The following CDYL2 variants were observed in gnomAD, a reference collection of about 807,000 sequenced individuals.
CDYL2 encodes chromodomain Y-like protein 2.
CDYL2 carries 23 observed loss-of-function variants against 49.4 expected under a neutral mutation model. The ratio of observed to expected loss-of-function variants is 0.47; its 90% CI spans 0.34 to 0.66. The LOEUF (loss-of-function observed/expected upper bound fraction) is 0.66, where lower values mean the gene tolerates loss of function less well. Among genes scored for constraint, CDYL2 ranks in the 30% least tolerant of loss-of-function variants. CDYL2 has a pLI of 0.01. For missense variants in CDYL2, 678 were observed against 656.4 expected (o/e 1.03, Z -0.36); for synonymous variants, 360 against 268.8 (o/e 1.34, Z -3.32).
Position 80,708,030 on chromosome 16 carries a change from GGGTGGGGC to G in CDYL2, c.25-22909_25-22902del, listed in dbSNP as rs576941753. Among the ~76,000 whole-genome samples, 15 of 152,280 alleles carry G rather than the reference GGGTGGGGC, an allele frequency of 9.9e-5. 1 individual carries two copies. The South Asian group carries it at 3.1e-3, about 32-fold the overall frequency. ...AGGCTCAGAGGATCACACTCTTTAGGGGTGGGGCAAAGATGATGCCCTTTCCCCCTTCA... is the reference window on the plus strand; with the variant it reads ...AGGCTCAGAGGATCACACTCTTTAGGAAAGATGATGCCCTTTCCCCCTTCA... On this transcript the variant is annotated intron_variant, in intron 1 of 6. Coordinates refer to ENST00000570137, the MANE Select transcript of CDYL2 (RefSeq NM_152342.4).
chr16:80,693,006 A>C (rs968445476), intron 1 of CDYL2, among the ~76,000 whole-genome samples: 5 of 152,158 alleles, frequency 3.3e-5, no homozygotes, highest in African/African-American at 1.2e-4. Context: ...AATGACACAC[A>C]CAACAATTTG....
intron 4 of CDYL2, among the ~76,000 whole-genome samples, chr16:80,614,365 G>A (rs1437477688): frequency 6.6e-6 from 1 of 152,162 alleles, no homozygotes; most frequent in Non-Finnish European, 1.5e-5. Context: ...CTCCCACCAT[G>A]GCGTCCTCCA....
At chr16:80,762,681 T>C (rs1906573229) in intron 1 of CDYL2, among the ~76,000 whole-genome samples, 3 of 152,320 alleles carry the variant, frequency 2.0e-5, no homozygotes, top group Middle Eastern at 3.4e-3. Flanking sequence ...TTGGAGCTTG[T>C]CCAGTCTTTT....
rs182223559 is a variant in CDYL2 at position 80,765,284 on chromosome 16, C to T, written c.24+38866G>A. Among the ~76,000 whole-genome samples the T allele has an allele frequency of 1.7e-3, 259 of 151,288 alleles. 1 individual carries two copies. The highest frequency in any genetic ancestry group is 5.5e-3 in the African/African-American group (229 of 41,306). ...TGTCCATATCCCATAATGAAACAAA[C>T]ATTTATTCAATCTCTGGATGACAGA... On this transcript the variant is annotated intron_variant, in intron 1 of 6. Transcript: ENST00000570137.
At chr16:80,729,302 T>C (rs1423202735) in intron 1 of CDYL2, among the ~76,000 whole-genome samples, 3 of 151,812 alleles carry the variant, frequency 2.0e-5, no homozygotes, top group South Asian at 2.1e-4. Context: ...GTTGCAATCC[T>C]AGTCTCTGAT....
intron 4 of CDYL2, among the ~76,000 whole-genome samples, chr16:80,619,981 C>T (rs1185395097): frequency 6.6e-6 from 1 of 152,152 alleles, no homozygotes; most frequent in South Asian, 2.1e-4. Context: ...CTCCGTGACA[C>T]CATGTGGAGT....
chr16:80,627,278 C>A (rs970777871), intron 3 of CDYL2, among the ~76,000 whole-genome samples: 13 of 151,972 alleles, frequency 8.6e-5, no homozygotes, highest in African/African-American at 2.7e-4. Flanking sequence ...AACTCTATTT[C>A]TCTGAGAGGC....
At chr16:80,785,333 G>A (rs899132714) in intron 1 of CDYL2, among the ~76,000 whole-genome samples, 6 of 152,074 alleles carry the variant, frequency 3.9e-5, no homozygotes, top group Admixed American at 3.3e-4. Context: ...GACAAACAGA[G>A]AGCCAAATCA....
In CDYL2 at chr16:80,612,685, G is replaced by A. The variant is rs536459738; in HGVS notation, c.1159C>T (p.Arg387Cys). Residue 387 changes from arginine to cysteine, a missense_variant, in exon 5 of 7, where the codon CGC becomes TGC. Transcript: ENST00000570137. The surrounding 1 kb of genome is among the most constrained non-coding windows in gnomAD (Gnocchi z 5.0). ...GAGGAGCAGCCAGCAGGCGTGAGGC[G>A]GATGGTGGCGTAGGGCGTCTGGAAC... ...AWFQTPYATI[R>C]LTPAGCSSYT... 25 of 1,613,136 alleles carry A rather than the reference G, an allele frequency of 1.5e-5. No homozygotes were observed. Among genetic ancestry groups the A allele is most frequent in the Admixed American group, 1.5e-4 (9 of 59,984 alleles).
In CDYL2 at chr16:80,672,535, AAAAGGAAAGGAAAGGAAAGG is replaced by A. The variant is rs58509953; in HGVS notation, c.616+11983_616+12002del. Among the ~76,000 whole-genome samples the A allele has an allele frequency of 6.1e-3, 284 of 46,316 alleles. 4 individuals are homozygous for A. The highest frequency in any genetic ancestry group is 0.019 in the South Asian group (23 of 1,182). 30.4% of individuals were successfully genotyped at this position (46,316 alleles called of 152,430 possible). On this transcript the variant is annotated intron_variant, in intron 2 of 6. Transcript: ENST00000570137. ...GAAAGAAGCAAAGCAAAGGAAAAGG[AAAAGGAAAGGAAAGGAAAGG>A]AAAGGAAAGGAAAGGAAAGGAAAGG...
intron 6 of CDYL2, 95 bp from the exon 7 acceptor site, chr16:80,604,641 A>C (rs1906251973): frequency 1.1e-5 from 15 of 1,326,960 alleles, no homozygotes; most frequent in Non-Finnish European, 1.5e-5. Context: ...AACCTCCCAT[A>C]CTCACAGCCA....
At chr16:80,759,143 T>TA (rs1906438063) in intron 1 of CDYL2, among the ~76,000 whole-genome samples, 1 of 90,266 alleles carries the variant, frequency 1.1e-5, no homozygotes, top group African/African-American at 5.3e-5. Flanking sequence ...TATATATGGT[T>TA]TATATAAATA....
chr16:80,768,089 C>T (rs985911014), intron 1 of CDYL2, among the ~76,000 whole-genome samples: 1 of 152,170 alleles, frequency 6.6e-6, no homozygotes, highest in Admixed American at 6.5e-5. Context: ...AGCCCATTCC[C>T]CCACTGCCAC....
intron 1 of CDYL2, among the ~76,000 whole-genome samples, chr16:80,708,808 G>C (rs975707967): frequency 6.6e-6 from 1 of 152,078 alleles, no homozygotes; most frequent in Non-Finnish European, 1.5e-5. Context: ...AGTTCAGGTT[G>C]TTCTCAGTTC....
intron 1 of CDYL2, among the ~76,000 whole-genome samples, chr16:80,701,284 C>T (rs1436799997): frequency 6.6e-6 from 1 of 152,216 alleles, no homozygotes; most frequent in Non-Finnish European, 1.5e-5. Context: ...GAATAATTCA[C>T]TGTTAATCTT....
chr16:80,771,247 T>G (rs1906894952), intron 1 of CDYL2, among the ~76,000 whole-genome samples: 1 of 152,200 alleles, frequency 6.6e-6, no homozygotes. Context: ...ATGTCAAGTA[T>G]ACAATCAAAA....
At chr16:80,743,308 G>C (rs1905813324) in intron 1 of CDYL2, among the ~76,000 whole-genome samples, 1 of 152,158 alleles carries the variant, frequency 6.6e-6, no homozygotes, top group Non-Finnish European at 1.5e-5. Flanking sequence ...AAACCAGAAA[G>C]TGTTATCTTC....
At chr16:80,617,624 G>C (rs1020619429) in intron 4 of CDYL2, among the ~76,000 whole-genome samples, 18 of 152,140 alleles carry the variant, frequency 1.2e-4, no homozygotes, top group Non-Finnish European at 2.2e-4. Context: ...TGCCTTAAAA[G>C]AGTTTGGTGC....
chr16:80,803,526 T>TG (rs1047334167), intron 1 of CDYL2, among the ~76,000 whole-genome samples: 1 of 151,542 alleles, frequency 6.6e-6, no homozygotes, highest in Non-Finnish European at 1.5e-5. Flanking sequence ...GGGCAGCAGG[T>TG]GGGGGGTGAG....
Sources: allele counts gnomAD v4.1 joint callset (sites outside exome capture counted in the v4.1 genomes callset), GRCh38; gene constraint gnomAD v4.1.1; non-coding constraint Gnocchi (gnomAD v3.1); transcripts MANE v1.5; gene names NCBI Gene and HGNC (gene_info 2026-07-23, HGNC 2026-07-21).